Variants in FARP1 observed in about 807,000 individuals in gnomAD.
FARP1 encodes the protein FERM, ARHGEF and pleckstrin domain-containing protein 1.
FARP1 carries 52 observed loss-of-function variants against 128.8 expected under a neutral mutation model. That is an observed-to-expected ratio of 0.40 (90% confidence interval 0.32 to 0.51). The LOEUF (loss-of-function observed/expected upper bound fraction) is 0.51, where lower values mean the gene tolerates loss of function less well. Ranked by LOEUF, FARP1 falls within the 20% of genes least tolerant of loss-of-function variation. The probability of loss-of-function intolerance (pLI) is 0.45; values close to 1 mark genes in which losing one functional copy is unlikely to be tolerated. For missense variants in FARP1, 1,333 were observed against 1,367.9 expected, an observed-to-expected ratio of 0.97 and a Z score of 0.40; for synonymous variants, 580 against 551.8, an observed-to-expected ratio of 1.05 and a Z score of -0.72.
chr13:98,365,917 GTT>G (rs1712950888), intron 4 of FARP1, among the ~76,000 whole-genome samples: 1 of 151,754 alleles, frequency 6.6e-6, no homozygotes, highest in South Asian at 2.1e-4. Context: ...GTGTGTGTGT[GTT>G]TCTGAGTAGC....
At position 98,154,621 on chromosome 13, in the gene FARP1, C is replaced by G. The variant is rs369329257; in HGVS notation, c.-24+11129C>G. On this transcript the variant is annotated intron_variant, in intron 1 of 26. Transcript: ENST00000319562. ...TCCTGTAGGTGATTATCTCAAAGAC[C>G]TGATGGGGCATGTAGGTTTAATTCC... is the stretch of plus-strand genomic sequence containing the variant. 7.9e-5 allele frequency among the ~76,000 whole-genome samples: 12 copies of G among 152,262 alleles called. No homozygotes were observed. In the East Asian group the frequency reaches 1.2e-3, roughly 15 times the overall value.
At chr13:98,342,988 C>T (rs1300010058) in intron 2 of FARP1, among the ~76,000 whole-genome samples, 3 of 151,998 alleles carry the variant, frequency 2.0e-5, no homozygotes, top group Admixed American at 6.5e-5. Context: ...CACACCATTG[C>T]ACTCCAGCCT....
chr13:98,440,189 C>G lies in FARP1; in HGVS notation c.2583C>G (p.Ser861Arg), dbSNP rs9584848. The G allele has an allele frequency of 6.2e-7, 1 of 1,614,000 alleles. No homozygotes were observed. The highest frequency in any genetic ancestry group is 2.2e-5 in the East Asian group (1 of 44,852). Residue 861 changes from serine (S) to arginine (R), a missense_variant, in exon 23 of 27, where the codon AGC becomes AGG. By Grantham distance (110) the Ser-to-Arg change is moderately radical (BLOSUM62 -1). Transcript: ENST00000319562. ...TGGCCATTGACCTGGCGGAGAAGAG[C>G]AGCAGCCCCGCCCCTGAGTTCCTGG... Reference protein sequence around the residue: ...IQMAIDLAEKSSSPAPEFLAS... With the variant: ...IQMAIDLAEKRSSPAPEFLAS...
At chr13:98,308,737 T>G (rs1206050566) in intron 2 of FARP1, among the ~76,000 whole-genome samples, 1 of 152,026 alleles carries the variant, frequency 6.6e-6, no homozygotes, top group Non-Finnish European at 1.5e-5. Context: ...GGCGCAGTCT[T>G]GGCTCACTGC....
At chr13:98,191,335 G>T (rs1349970320) in intron 1 of FARP1, among the ~76,000 whole-genome samples, 1 of 152,158 alleles carries the variant, frequency 6.6e-6, no homozygotes, top group East Asian at 1.9e-4. Context: ...GAATATACTT[G>T]TCAACAGAAA....
intron 1 of FARP1, among the ~76,000 whole-genome samples, chr13:98,145,249 C>CAG (rs535937225): frequency 4.3e-4 from 66 of 152,256 alleles, no homozygotes; most frequent in African/African-American, 1.4e-3. Context: ...CTCCTAGGGG[C>CAG]AGATTCTATG....
chr13:98,176,225 A>G lies in FARP1; in HGVS notation c.-24+32733A>G, dbSNP rs779793046. 8.7e-6 allele frequency: 14 copies of G among 1,605,718 alleles called. No homozygotes were observed. Among genetic ancestry groups the G allele is most frequent in the Admixed American group, 3.3e-5 (2 of 59,832 alleles). The stretch of plus-strand genomic sequence containing the variant: ...TAAATGTGAGAATTATGGGAAACCT[A>G]AGCCATGGGAATTGGACACTCATGG... On this transcript the variant is annotated intron_variant, in intron 1 of 26. Coordinates refer to ENST00000319562, the MANE Select transcript of FARP1 (RefSeq NM_005766.4). The surrounding 1 kb of genome is among the most constrained non-coding windows in gnomAD (Gnocchi z 6.2).
At chr13:98,192,940 C>T (rs920881323) in intron 1 of FARP1, among the ~76,000 whole-genome samples, 31 of 152,152 alleles carry the variant, frequency 2.0e-4, no homozygotes, top group African/African-American at 5.6e-4. Flanking sequence ...AAGTTGTATA[C>T]GTGTCACACA....
intron 5 of FARP1, among the ~76,000 whole-genome samples, chr13:98,374,120 CTGTTTATTCTAAAATAAGGT>C (rs1889473551): frequency 1.3e-5 from 2 of 152,126 alleles, no homozygotes; most frequent in African/African-American, 4.8e-5. Flanking sequence ...TCCTTTGTAT[CTGTTTATTCTAAAATAAGGT>C]TGGCTAGGCA....
chr13:98,371,807 T>TGGTTCA (rs1389362111), intron 5 of FARP1, among the ~76,000 whole-genome samples: 2 of 152,184 alleles, frequency 1.3e-5, no homozygotes, highest in Non-Finnish European at 2.9e-5. Flanking sequence ...AACTGGCCTG[T>TGGTTCA]GGTTCAGCAA....
intron 2 of FARP1, among the ~76,000 whole-genome samples, chr13:98,282,250 T>C (rs1884970603): frequency 6.6e-6 from 1 of 152,150 alleles, no homozygotes; most frequent in Non-Finnish European, 1.5e-5. Flanking sequence ...ATCACAGCAC[T>C]GTACTTCAGC....
At chr13:98,431,456 T>A in intron 18 of FARP1, 176 bp downstream of exon 18, 1 of 497,464 alleles carries the variant, frequency 2.0e-6, no homozygotes. Context: ...TTTGGTTACA[T>A]CTTGATTTTT....
intron 13 of FARP1, chr13:98,400,384 G>A (rs1235552389): frequency 3.3e-5 from 5 of 152,228 alleles, no homozygotes; most frequent in Non-Finnish European, 5.9e-5. Context: ...CATTTTAAAT[G>A]TTGTTGAAAC....
chr13:98,250,353 CTGT>C (rs1883263059), intron 2 of FARP1, among the ~76,000 whole-genome samples: 1 of 152,102 alleles, frequency 6.6e-6, no homozygotes, highest in African/African-American at 2.4e-5. Context: ...CTCACATAAT[CTGT>C]CAAAACTTTA....
chr13:98,430,528 C>T (rs538871586), intron 17 of FARP1, among the ~76,000 whole-genome samples: 1 of 152,210 alleles, frequency 6.6e-6, no homozygotes, highest in African/African-American at 2.4e-5. Flanking sequence ...AGGGCGCTGT[C>T]TGACTCTCAT....
Position 98,409,505 on chromosome 13 carries a change from G to A in FARP1, c.1582G>A (p.Glu528Lys). The change falls in exon 14 of 27, where the codon GAG (glutamate) becomes AAG (lysine). Residue 528 changes from glutamate (E) to lysine (K), a missense_variant. Glu to Lys is a moderately conservative substitution (Grantham distance 56). This residue lies in a region of FARP1 where 1,009 missense variants were observed against 969.8 expected (regional missense o/e 1.04). Coordinates refer to ENST00000319562, the MANE Select transcript of FARP1 (RefSeq NM_005766.4). ...CCAGGCCTGCCCCCGGACGGACGAT[G>A]AGGATGAGGGCCGGAGGAAGGTACA... ...NDQACPRTDD[E>K]DEGRRKRFPT... 1 of 1,612,394 alleles carries A rather than the reference G, an allele frequency of 6.2e-7. No homozygotes were observed. Among genetic ancestry groups the A allele is most frequent in the Non-Finnish European group, 8.5e-7 (1 of 1,179,092 alleles).
In FARP1 at chr13:98,213,284, G is replaced by A. The variant is rs1880841697; in HGVS notation, c.42G>A (p.Leu14=). Residue 14 remains leucine (L), a synonymous_variant, in exon 2 of 27, where the codon CTG becomes CTA. Transcript: ENST00000319562. ...IEQRPTPGSR[L]GAPENSGIST... Reference sequence around the variant, plus strand: ...AGAGGCCGACCCCAGGATCACGACTGGGGGCCCCGGAAAATTCGGGGATCA... The same window carrying A: ...AGAGGCCGACCCCAGGATCACGACTAGGGGCCCCGGAAAATTCGGGGATCA... 2 of 1,614,002 alleles carry A rather than the reference G, an allele frequency of 1.2e-6. No individual in the cohort carries two copies. Among genetic ancestry groups the A allele is most frequent in the Non-Finnish European group, 1.7e-6 (2 of 1,179,940 alleles).
intron 2 of FARP1, among the ~76,000 whole-genome samples, chr13:98,300,633 C>A (rs1227019672): frequency 6.6e-6 from 1 of 152,212 alleles, no homozygotes; most frequent in Non-Finnish European, 1.5e-5. Context: ...GCAGGTGAAG[C>A]CACTTCTCTG....
chr13:98,200,773 G>A (rs1291864099), intron 1 of FARP1, among the ~76,000 whole-genome samples: 1 of 152,218 alleles, frequency 6.6e-6, no homozygotes, highest in Non-Finnish European at 1.5e-5. Flanking sequence ...CAGGGAAGAT[G>A]AAGTGAGTAT....
Sources: allele counts gnomAD v4.1 joint callset (sites outside exome capture counted in the v4.1 genomes callset), GRCh38; gene constraint gnomAD v4.1.1; regional missense constraint gnomAD v4.1.1; non-coding constraint Gnocchi (gnomAD v3.1); transcripts MANE v1.5; gene names NCBI Gene and HGNC (gene_info 2026-07-23, HGNC 2026-07-21).